PIKFYVE: variants seen among roughly 807,000 people sequenced by gnomAD.
The protein encoded by PIKFYVE is 1-phosphatidylinositol 3-phosphate 5-kinase.
A neutral mutation model predicts 257.9 loss-of-function variants in PIKFYVE; 122 were observed. The observed-to-expected ratio is 0.47, with a 90% CI of 0.41 to 0.55. The LOEUF is 0.55. Ranked by LOEUF, PIKFYVE falls within the 20% of genes least tolerant of loss-of-function variation. PIKFYVE has a pLI of 0.00. For synonymous variants in PIKFYVE, 892 were observed against 868.9 expected (o/e 1.03, Z -0.47); for missense variants, 2,160 against 2,536.6 (o/e 0.85, Z 3.19).
rs900003646 is a variant in PIKFYVE, at chr2:208,358,473, T to G, written c.*3168T>G. 4 of 152,548 alleles carry G rather than the reference T, an allele frequency of 2.6e-5. No individual in the cohort carries two copies. Among genetic ancestry groups the G allele is most frequent in the African/African-American group, 9.7e-5 (4 of 41,438 alleles). 9.4% of individuals were successfully genotyped at this position (152,548 alleles called of 1,614,324 possible). On this transcript the variant is annotated 3_prime_UTR_variant, in exon 42 of 42. Transcript: ENST00000264380. ...CTACAATCATTAGCAGTTTTAATAC[T>G]GCTGTGTCAGTTTTGTAAAAAATGT...
At chr2:208,305,446 T>C (rs558975093) in intron 12 of PIKFYVE, 2 of 993,026 alleles carry the variant, frequency 2.0e-6, no homozygotes, top group Non-Finnish European at 1.2e-6. Context: ...TGAACTAGAT[T>C]GGGGGAAAAT....
chr2:208,325,541 C>T lies in PIKFYVE; in HGVS notation c.2730C>T (p.Ser910=), dbSNP rs143279377. The part of the protein sequence containing the change: ...GAVQEQYGGG[S]IPWDPDIPPE... ...TCCAAGAGCAGTACGGTGGAGGTTC[C>T]ATCCCCTGGGATCCTGACATCCCTC... is the stretch of plus-strand genomic sequence containing the variant. Residue 910 remains serine (S), a synonymous_variant, in exon 20 of 42, where the codon TCC becomes TCT. Transcript: ENST00000264380. The T allele has an allele frequency of 1.2e-6, 2 of 1,613,984 alleles. No homozygotes were observed. Among genetic ancestry groups the T allele is most frequent in the African/African-American group, 2.7e-5 (2 of 74,922 alleles).
At chr2:208,346,627 G>A (rs1699258384) in intron 34 of PIKFYVE, among the ~76,000 whole-genome samples, 1 of 152,182 alleles carries the variant, frequency 6.6e-6, no homozygotes, top group African/African-American at 2.4e-5. Context: ...AGATTTGACA[G>A]TGCTGGAGCT....
At chr2:208,268,423 CT>C (rs35632672) in intron 1 of PIKFYVE, among the ~76,000 whole-genome samples, 57,119 of 78,728 alleles carry the variant, frequency 0.73, 20,331 homozygotes, top group East Asian at 0.89. Flanking sequence ...CTCCAGAGCT[CT>C]TTTTTTTTTT....
rs143145670 is a variant in PIKFYVE, at chr2:208,268,762, C to G, written c.-10+2347C>G. Among the ~76,000 whole-genome samples the G allele has an allele frequency of 2.9e-3, 435 of 152,052 alleles. 2 individuals carry two copies. The highest frequency in any genetic ancestry group is 5.3e-3 in the Non-Finnish European group (357 of 67,968). ...CCTTCTTCTTCCTTTTCTCCTTCCT[C>G]TTTCCTTCCCCTTCCTCTTCCTCTT... On this transcript the variant is annotated intron_variant, in intron 1 of 41. Transcript: ENST00000264380.
chr2:208,300,882 A>G, intron 8 of PIKFYVE, 55 bp from the exon 9 acceptor site: 1 of 1,606,060 alleles, frequency 6.2e-7, no homozygotes, highest in Non-Finnish European at 8.5e-7. Context: ...AAACATCTGA[A>G]AAGGTATATA....
rs1315620293 is a variant in PIKFYVE at position 208,355,448 on chromosome 2, C to T, written c.*143C>T. ...CAGTTCTGTGGCTGTTTAGACTGTC[C>T]GTAATGGAATGGTAAAACTCCATGA... On this transcript the variant is annotated 3_prime_UTR_variant, in exon 42 of 42. Coordinates refer to ENST00000264380, the MANE Select transcript of PIKFYVE (RefSeq NM_015040.4). 18 of 657,074 alleles carry T rather than the reference C, an allele frequency of 2.7e-5. No individual in the cohort carries two copies. The highest frequency in any genetic ancestry group is 2.7e-4 in the Middle Eastern group (1 of 3,696). The allele number at this position is 657,074 out of a possible 1,614,324, so 40.7% of individuals were successfully genotyped here.
intron 13 of PIKFYVE, among the ~76,000 whole-genome samples, chr2:208,313,551 A>T (rs530545656): frequency 2.1e-5 from 3 of 145,124 alleles, no homozygotes; most frequent in Admixed American, 2.0e-4. Flanking sequence ...CAGCATTCAG[A>T]TTTCTGTTGA....
chr2:208,303,594 T>C (rs1196055000), intron 10 of PIKFYVE, among the ~76,000 whole-genome samples: 1 of 152,066 alleles, frequency 6.6e-6, no homozygotes, highest in Non-Finnish European at 1.5e-5. Context: ...TCGTGTTGAG[T>C]GGGCTGAGGA....
intron 3 of PIKFYVE, chr2:208,274,192 G>A: frequency 2.2e-6 from 2 of 910,878 alleles, no homozygotes; most frequent in South Asian, 3.0e-5. Context: ...GTCCTTGTTG[G>A]GGTGCAAACT....
chr2:208,353,167 T>C (rs1395432146), intron 39 of PIKFYVE, among the ~76,000 whole-genome samples: 2 of 152,170 alleles, frequency 1.3e-5, no homozygotes, highest in Non-Finnish European at 2.9e-5. Flanking sequence ...AAAGAGCTAG[T>C]CCTTGAACTG....
At chr2:208,330,449 C>G in intron 22 of PIKFYVE, 74 bp from the exon 23 acceptor site, 1 of 1,565,936 alleles carries the variant, frequency 6.4e-7, no homozygotes, top group Non-Finnish European at 8.8e-7. Flanking sequence ...GTTCACTAGT[C>G]ATGCTGCACT....
Position 208,342,541 on chromosome 2 carries a change from A to C in PIKFYVE, c.4932-13A>C, listed in dbSNP as rs186801100. On this transcript the variant is annotated splice_polypyrimidine_tract_variant and intron_variant, in intron 31 of 41. Transcript: ENST00000264380. ...GTACTTAGTTAACTTATGTATTTTA[A>C]AAATTTGCATAGTGATCCAGATAAA... 109 of 1,603,804 alleles carry C rather than the reference A, an allele frequency of 6.8e-5. 1 individual carries two copies. In the East Asian group the frequency reaches 2.2e-3, roughly 32 times the overall value.
Position 208,325,258 on chromosome 2 carries a change from TTTTG to T in PIKFYVE, c.2459-6_2459-3del. Reference sequence around the variant, plus strand: ...TCCACCATCTTAACTTTCTGTTTGTTTTTGTTTGTAGAACAAACCAAGACACTGA... The same window carrying T: ...TCCACCATCTTAACTTTCTGTTTGTTTTTGTAGAACAAACCAAGACACTGA... On this transcript the variant is annotated splice_polypyrimidine_tract_variant and splice_region_variant and intron_variant, in intron 19 of 41. Transcript: ENST00000264380. 1 of 1,612,674 alleles carries T rather than the reference TTTTG, an allele frequency of 6.2e-7. No individual in the cohort carries two copies. Among genetic ancestry groups the T allele is most frequent in the Admixed American group, 1.7e-5 (1 of 59,914 alleles).
At chr2:208,301,717 A>G (rs1224818997) in intron 9 of PIKFYVE, among the ~76,000 whole-genome samples, 1 of 152,200 alleles carries the variant, frequency 6.6e-6, no homozygotes, top group Non-Finnish European at 1.5e-5. Context: ...AGACTTCTTC[A>G]CCATGAGGAA....
chr2:208,325,910 C>T lies in PIKFYVE; in HGVS notation c.3099C>T (p.Ser1033=). ...TGLYVTEEVT[S]SEDKRKTYSL... ...TATATGTTACTGAGGAAGTCACCTC[C>T]TCTGAAGATAAACGAAAGACTTATT... The change falls in exon 20 of 42, where the codon TCC becomes TCT. Residue 1033 remains serine, a synonymous_variant. Transcript: ENST00000264380. The T allele has an allele frequency of 3.7e-6, 6 of 1,614,108 alleles. No homozygotes were observed. Among genetic ancestry groups the T allele is most frequent in the Non-Finnish European group, 5.1e-6 (6 of 1,179,972 alleles).
At chr2:208,288,129 G>T (rs1282045749) in intron 6 of PIKFYVE, among the ~76,000 whole-genome samples, 2 of 152,304 alleles carry the variant, frequency 1.3e-5, no homozygotes, top group East Asian at 3.9e-4. Context: ...AGCTCCCTGA[G>T]AGATGTACAA....
At chr2:208,354,818 T>C (rs984601124) in intron 41 of PIKFYVE, among the ~76,000 whole-genome samples, 173 bp downstream of exon 41, 18 of 152,332 alleles carry the variant, frequency 1.2e-4, no homozygotes, top group African/African-American at 4.3e-4. Flanking sequence ...TGGGGAAATA[T>C]TGGGTGTAAA....
At chr2:208,285,341 C>T (rs374464511) in intron 5 of PIKFYVE, among the ~76,000 whole-genome samples, 13 of 152,262 alleles carry the variant, frequency 8.5e-5, no homozygotes, top group East Asian at 3.9e-4. Flanking sequence ...GGTGATCTGC[C>T]GCCTCGGCCT....
Sources: gnomAD v4.1 joint callset for allele counts (sites outside exome capture counted in the v4.1 genomes callset) on GRCh38, gnomAD v4.1.1 for gene constraint, MANE v1.5 for transcripts, NCBI Gene and HGNC (gene_info 2026-07-23, HGNC 2026-07-21) for gene names.